The following DLG2 variants were observed in gnomAD, a reference collection of about 807,000 sequenced individuals.
DLG2 encodes disks large homolog 2.
In DLG2, 45 loss-of-function variants were observed where a neutral mutation model predicts 132.5. The observed-to-expected ratio is 0.34, with a 90% CI of 0.27 to 0.44. The LOEUF (loss-of-function observed/expected upper bound fraction) is 0.44. DLG2 is among the 20% of genes least tolerant of loss of function. The pLI, the probability that DLG2 is intolerant of heterozygous loss-of-function variation, is 1.00. For missense variants in DLG2, 1,045 were observed against 1,196.9 expected, an observed-to-expected ratio of 0.87 and a Z score of 1.87; for synonymous variants, 424 against 419.6, an observed-to-expected ratio of 1.01 and a Z score of -0.13.
chr11:85,049,819 CA>C (rs1386096085), intron 6 of DLG2, among the ~76,000 whole-genome samples: 2 of 151,762 alleles, frequency 1.3e-5, no homozygotes, highest in Admixed American at 1.3e-4. Context: ...GGTTTATAAC[CA>C]AAACTTAGGG....
intron 9 of DLG2, among the ~76,000 whole-genome samples, chr11:84,123,480 A>G (rs2094020237): frequency 6.6e-6 from 1 of 152,182 alleles, no homozygotes; most frequent in African/African-American, 2.4e-5. Context: ...CCTAGAATCA[A>G]GGTATAAGGC....
intron 6 of DLG2, among the ~76,000 whole-genome samples, chr11:84,751,975 T>G (rs946586451): frequency 6.6e-6 from 1 of 152,216 alleles, no homozygotes; most frequent in South Asian, 2.1e-4. Flanking sequence ...CACTACACTC[T>G]TCTCCAGTAG....
chr11:83,647,819 G>A (rs1397487173), intron 18 of DLG2: 1 of 152,084 alleles, frequency 6.6e-6, no homozygotes, highest in Admixed American at 6.6e-5. Context: ...ATTTAACAAG[G>A]AACTCAAAAT....
At chr11:84,636,933 C>G (rs1446076208) in intron 6 of DLG2, among the ~76,000 whole-genome samples, 1 of 150,986 alleles carries the variant, frequency 6.6e-6, no homozygotes, top group Admixed American at 6.6e-5. Context: ...AGGTGCCCAC[C>G]ACCACACCTG....
intron 3 of DLG2, among the ~76,000 whole-genome samples, chr11:85,287,891 T>G (rs1207863353): frequency 6.6e-6 from 1 of 152,062 alleles, no homozygotes; most frequent in Non-Finnish European, 1.5e-5. Context: ...TGAAAAAAAT[T>G]TTGTAAAGTT....
At chr11:85,275,930 T>C (rs1207600498) in intron 4 of DLG2, among the ~76,000 whole-genome samples, 2 of 152,122 alleles carry the variant, frequency 1.3e-5, no homozygotes, top group Admixed American at 6.6e-5. Context: ...AAATGCTTAC[T>C]GATTCTAGGT....
chr11:83,609,383 A>G (rs150585129), intron 19 of DLG2, among the ~76,000 whole-genome samples: 676 of 152,278 alleles, frequency 4.4e-3, no homozygotes, highest in South Asian at 6.9e-3. Context: ...GCTAATGAGA[A>G]ATCTGGCTCT....
chr11:83,830,834 T>C (rs2054285505), intron 17 of DLG2, among the ~76,000 whole-genome samples: 2 of 152,236 alleles, frequency 1.3e-5, no homozygotes, highest in African/African-American at 4.8e-5. Flanking sequence ...CCACTTAGAA[T>C]GCCTTAGAGA....
At chr11:84,767,114 G>C (rs923940672) in intron 6 of DLG2, among the ~76,000 whole-genome samples, 1 of 152,158 alleles carries the variant, frequency 6.6e-6, no homozygotes. Context: ...CCACCTCTCA[G>C]AGTTTGAGTG....
At chr11:84,439,029 G>A (rs1409447483) in intron 7 of DLG2, among the ~76,000 whole-genome samples, 1 of 152,128 alleles carries the variant, frequency 6.6e-6, no homozygotes, top group East Asian at 1.9e-4. Context: ...TACCCTCATA[G>A]GCAATTGGAG....
chr11:85,084,924 C>T (rs926859816), intron 6 of DLG2, among the ~76,000 whole-genome samples: 2 of 152,102 alleles, frequency 1.3e-5, no homozygotes, highest in African/African-American at 4.8e-5. Flanking sequence ...TCGAAGATAG[C>T]CTCTCAAAGC....
At chr11:84,242,596 C>T (rs1016849629) in intron 8 of DLG2, among the ~76,000 whole-genome samples, 6 of 151,942 alleles carry the variant, frequency 3.9e-5, no homozygotes, top group South Asian at 2.1e-4. Context: ...ATTAGAGACA[C>T]GGTTTCACCA....
intron 7 of DLG2, among the ~76,000 whole-genome samples, chr11:84,486,206 G>T (rs2099150466): frequency 6.6e-6 from 1 of 152,002 alleles, no homozygotes; most frequent in Non-Finnish European, 1.5e-5. Flanking sequence ...TCAATAAAGG[G>T]TTGAGTGACA....
intron 6 of DLG2, among the ~76,000 whole-genome samples, chr11:84,823,447 T>C (rs1266923696): frequency 6.6e-6 from 1 of 151,818 alleles, no homozygotes; most frequent in Admixed American, 6.6e-5. Flanking sequence ...CTAACCTTTT[T>C]ACTTGCTATT....
intron 18 of DLG2, among the ~76,000 whole-genome samples, chr11:83,718,361 ACT>A (rs2087304390): frequency 6.6e-6 from 1 of 151,914 alleles, no homozygotes; most frequent in South Asian, 2.1e-4. Flanking sequence ...AGATGGTGAA[ACT>A]CTGTCTCTAC....
chr11:85,399,331 A>G (rs2087779460), intron 3 of DLG2, among the ~76,000 whole-genome samples: 1 of 152,198 alleles, frequency 6.6e-6, no homozygotes, highest in Admixed American at 6.5e-5. Flanking sequence ...GGAAGAATCA[A>G]TATCGTGAAA....
intron 6 of DLG2, among the ~76,000 whole-genome samples, chr11:84,685,899 A>T (rs560245555): frequency 3.9e-5 from 6 of 152,058 alleles, no homozygotes; most frequent in Non-Finnish European, 8.8e-5. Context: ...GTATTAGCCA[A>T]GATGGTCTCG....
At chr11:85,315,524 C>T (rs1277535000) in intron 3 of DLG2, among the ~76,000 whole-genome samples, 1 of 151,928 alleles carries the variant, frequency 6.6e-6, no homozygotes, top group East Asian at 1.9e-4. Context: ...CTACAACATG[C>T]TACTATGTAT....
At chr11:85,166,305 C>A (rs540124882) in intron 4 of DLG2, among the ~76,000 whole-genome samples, 3 of 152,258 alleles carry the variant, frequency 2.0e-5, no homozygotes, top group African/African-American at 7.2e-5. Flanking sequence ...TTCATCTAGG[C>A]TTTAGGAAGA....
Sources: gnomAD v4.1 joint callset for allele counts (sites outside exome capture counted in the v4.1 genomes callset) on GRCh38, gnomAD v4.1.1 for gene constraint, MANE v1.5 for transcripts, NCBI Gene and HGNC (gene_info 2026-07-23, HGNC 2026-07-21) for gene names.